TOX: variants seen among roughly 807,000 people sequenced by gnomAD.
TOX encodes thymocyte selection associated high mobility group box.
TOX carries 11 observed loss-of-function variants against 53.7 expected under a neutral mutation model. The ratio of observed to expected loss-of-function variants is 0.20; its 90% CI spans 0.13 to 0.34. The LOEUF is 0.34. Ranked by LOEUF, TOX falls within the 10% of genes least tolerant of loss-of-function variation. The pLI, the probability that TOX is intolerant of heterozygous loss-of-function variation, is 1.00. For missense variants in TOX, 570 were observed against 664.6 expected, an observed-to-expected ratio of 0.86 and a Z score of 1.56; for synonymous variants, 225 against 245.3, an observed-to-expected ratio of 0.92 and a Z score of 0.77.
intron 1 of TOX, among the ~76,000 whole-genome samples, chr8:59,026,992 G>A (rs1188918098): frequency 2.0e-5 from 3 of 151,838 alleles, no homozygotes; most frequent in Non-Finnish European, 2.9e-5. Flanking sequence ...AGAAGAGGTG[G>A]AAGGTGACTG....
chr8:58,973,275 C>T (rs903246349), intron 1 of TOX, among the ~76,000 whole-genome samples: 14 of 152,140 alleles, frequency 9.2e-5, no homozygotes, highest in African/African-American at 3.1e-4. Context: ...ATTCTATTTT[C>T]GGGCAATGAA....
Position 59,040,143 on chromosome 8 carries a change from A to C in TOX, c.102+78743T>G, listed in dbSNP as rs545711701. Among the ~76,000 whole-genome samples the C allele has an allele frequency of 1.3e-4, 20 of 151,896 alleles. 1 individual carries two copies. The highest frequency in any genetic ancestry group is 1.0e-3 in the South Asian group (5 of 4,798). On this transcript the variant is annotated intron_variant, in intron 1 of 8. Coordinates refer to ENST00000361421, the MANE Select transcript of TOX (RefSeq NM_014729.3). The stretch of plus-strand genomic sequence containing the variant: ...AGGAGATCGAGACCATCCCGGGTAA[A>C]ACGGTGAAACCCCGTCTCTACTAAA...
chr8:58,815,524 G>T lies in TOX; in HGVS notation c.1206C>A (p.Asn402Lys), dbSNP rs765941361. The change falls in exon 7 of 9, where the codon AAC becomes AAA. Residue 402 changes from asparagine to lysine, a missense_variant. Transcript: ENST00000361421. ...LPRNIAPKPN[N>K]QMPVTVSIAN... Reference sequence around the variant, plus strand: ...CTATAGAGACAGTCACTGGCATTTGGTTATTCGGCTTGGGGGCTATGTTCC... The same window carrying T: ...CTATAGAGACAGTCACTGGCATTTGTTTATTCGGCTTGGGGGCTATGTTCC... 6.2e-7 allele frequency: 1 copy of T among 1,614,096 alleles called. No homozygotes were observed.
intron 3 of TOX, among the ~76,000 whole-genome samples, chr8:58,934,547 G>C (rs1292384182): frequency 6.6e-6 from 1 of 152,188 alleles, no homozygotes; most frequent in Admixed American, 6.5e-5. Flanking sequence ...CTGGTAAGCA[G>C]AAGTGCCAGG....
intron 3 of TOX, among the ~76,000 whole-genome samples, chr8:58,921,268 T>A (rs1445116994): frequency 6.6e-6 from 1 of 152,228 alleles, no homozygotes; most frequent in Non-Finnish European, 1.5e-5. Context: ...TGATTACTGA[T>A]CTATTGACAT....
At chr8:59,013,059 C>T (rs310362) in intron 1 of TOX, among the ~76,000 whole-genome samples, 75,343 of 152,068 alleles carry the variant, frequency 0.5, 21,275 homozygotes, top group Non-Finnish European at 0.61. Context: ...CTTGTGTTCA[C>T]AACTATTCAC....
At chr8:58,962,699 G>A (rs1302992726) in intron 1 of TOX, among the ~76,000 whole-genome samples, 5 of 152,200 alleles carry the variant, frequency 3.3e-5, no homozygotes, top group Non-Finnish European at 7.3e-5. Context: ...CCAGCTACTT[G>A]GGAGGCTAAG....
At chr8:58,897,795 C>A (rs1811676741) in intron 3 of TOX, among the ~76,000 whole-genome samples, 1 of 151,406 alleles carries the variant, frequency 6.6e-6, no homozygotes, top group East Asian at 1.9e-4. Flanking sequence ...TCCTGTTTGC[C>A]CTCTTACCTT....
In TOX at chr8:58,971,461, C is replaced by T. The variant is rs530339362; in HGVS notation, c.103-11453G>A. ...GAGAGTAAAAATTGTTCTTGCTCTACGTAATTATGTCAGATTTAGATGAGA... is the reference window on the plus strand; with the variant it reads ...GAGAGTAAAAATTGTTCTTGCTCTATGTAATTATGTCAGATTTAGATGAGA... On this transcript the variant is annotated intron_variant, in intron 1 of 8. Transcript: ENST00000361421. 3.9e-5 allele frequency among the ~76,000 whole-genome samples: 6 copies of T among 152,246 alleles called. No individual in the cohort carries two copies. The East Asian group carries it at 5.8e-4, about 15-fold the overall frequency.
intron 1 of TOX, among the ~76,000 whole-genome samples, chr8:59,076,370 G>A (rs985082648): frequency 6.6e-6 from 1 of 152,234 alleles, no homozygotes; most frequent in Non-Finnish European, 1.5e-5. Context: ...AGATGTGAGA[G>A]TGCCTTTGTC....
At chr8:58,969,776 T>C (rs1297379215) in intron 1 of TOX, among the ~76,000 whole-genome samples, 6 of 152,176 alleles carry the variant, frequency 3.9e-5, no homozygotes, top group African/African-American at 1.2e-4. Context: ...CCTTTGACAA[T>C]GTCCATTTTA....
intron 1 of TOX, among the ~76,000 whole-genome samples, chr8:59,040,347 AAAAG>A: frequency 6.6e-6 from 1 of 151,218 alleles, no homozygotes; most frequent in African/African-American, 2.4e-5. Context: ...AAAAAAAAAA[AAAAG>A]AAGCATCAAT....
At chr8:58,938,761 A>G (rs1483692396) in intron 3 of TOX, among the ~76,000 whole-genome samples, 4 of 152,246 alleles carry the variant, frequency 2.6e-5, no homozygotes, top group Non-Finnish European at 2.9e-5. Context: ...ATTGTTAGAC[A>G]ACAGGTCCAG....
At chr8:59,040,375 A>G (rs1395932382) in intron 1 of TOX, among the ~76,000 whole-genome samples, 2 of 150,596 alleles carry the variant, frequency 1.3e-5, no homozygotes, top group Non-Finnish European at 2.9e-5. Context: ...CTTCCATCTC[A>G]GAAAATTCAG....
intron 3 of TOX, among the ~76,000 whole-genome samples, chr8:58,936,231 C>A (rs1812342315): frequency 6.6e-6 from 1 of 152,146 alleles, no homozygotes; most frequent in Admixed American, 6.5e-5. Flanking sequence ...GAACACTCTC[C>A]AACATGCCTT....
At chr8:59,043,215 G>GTGTA (rs1585982891) in intron 1 of TOX, among the ~76,000 whole-genome samples, 1 of 151,346 alleles carries the variant, frequency 6.6e-6, no homozygotes, top group Non-Finnish European at 1.5e-5. Flanking sequence ...GTGTGTGTGT[G>GTGTA]TGTGTGTGTG....
intron 2 of TOX, among the ~76,000 whole-genome samples, chr8:58,952,592 T>C (rs1812638956): frequency 6.6e-6 from 1 of 152,174 alleles, no homozygotes; most frequent in Non-Finnish European, 1.5e-5. Flanking sequence ...AACTCCTCCC[T>C]CCAATGCCTA....
At chr8:58,969,374 C>G (rs1183721295) in intron 1 of TOX, among the ~76,000 whole-genome samples, 1 of 152,174 alleles carries the variant, frequency 6.6e-6, no homozygotes, top group Non-Finnish European at 1.5e-5. Context: ...CGAAGCAAAG[C>G]TCTGTTTACA....
At chr8:58,989,140 C>T (rs1227979795) in intron 1 of TOX, among the ~76,000 whole-genome samples, 1 of 151,984 alleles carries the variant, frequency 6.6e-6, no homozygotes, top group Non-Finnish European at 1.5e-5. Context: ...CATGGCAAAA[C>T]TCTGTCTTCT....
Sources: allele counts gnomAD v4.1 joint callset (sites outside exome capture counted in the v4.1 genomes callset), GRCh38; gene constraint gnomAD v4.1.1; transcripts MANE v1.5; gene names NCBI Gene and HGNC (gene_info 2026-07-23, HGNC 2026-07-21).